Variants in MACROD2 observed in about 807,000 individuals in gnomAD.
The protein encoded by MACROD2 is ADP-ribose glycohydrolase MACROD2.
Under a neutral mutation model 70.4 loss-of-function variants are expected in MACROD2, and 36 were observed. The ratio of observed to expected loss-of-function variants is 0.51; its 90% CI spans 0.39 to 0.68. MACROD2 has a LOEUF of 0.68. MACROD2 is among the 30% of genes least tolerant of loss of function. The probability of loss-of-function intolerance (pLI) is 0.00; values close to 1 mark genes in which losing one functional copy is unlikely to be tolerated. For missense variants in MACROD2, 496 were observed against 538.4 expected (o/e 0.92, Z 0.78); for synonymous variants, 172 against 178.8 (o/e 0.96, Z 0.30).
At chr20:15,416,139 C>T (rs1011945019) in intron 6 of MACROD2, among the ~76,000 whole-genome samples, 1 of 152,166 alleles carries the variant, frequency 6.6e-6, no homozygotes, top group Admixed American at 6.5e-5. Context: ...CCATCTTGTT[C>T]TTTTTGCTCA....
chr20:14,331,609 G>T (rs1486069346), intron 3 of MACROD2, among the ~76,000 whole-genome samples: 3 of 152,078 alleles, frequency 2.0e-5, no homozygotes, highest in African/African-American at 7.2e-5. Context: ...ACTCTCATAT[G>T]CCCCTGCTCC....
intron 4 of MACROD2, among the ~76,000 whole-genome samples, 185 bp from the exon 5 acceptor site, chr20:14,684,658 C>CT (rs1434892635): frequency 1.4e-5 from 2 of 146,996 alleles, no homozygotes; most frequent in Non-Finnish European, 3.0e-5. Flanking sequence ...ACCCCCCCCC[C>CT]CCGGCCCCCG....
intron 4 of MACROD2, 72 bp from the exon 5 acceptor site, chr20:14,684,771 C>G (rs1379402189): frequency 9.7e-6 from 12 of 1,231,658 alleles, no homozygotes; most frequent in Middle Eastern, 1.9e-4. Flanking sequence ...AGTTCTCTTC[C>G]TCTTCCCATC....
Position 14,997,474 on chromosome 20 carries a change from C to T in MACROD2, c.419-232466C>T, listed in dbSNP as rs571469039. ...CTGTGCTGGCTTCAGGTGTGACTCA[C>T]TGCATTCCCAGCTATGGTGGCTGAG... On this transcript the variant is annotated intron_variant, in intron 5 of 17. Coordinates refer to ENST00000684519, the MANE Select transcript of MACROD2 (RefSeq NM_001351661.2). Among the ~76,000 whole-genome samples, 17 of 152,154 alleles carry T rather than the reference C, an allele frequency of 1.1e-4. No individual in the cohort carries two copies. The South Asian group carries it at 2.7e-3, about 24-fold the overall frequency.
intron 4 of MACROD2, among the ~76,000 whole-genome samples, chr20:14,595,639 A>G (rs1982076837): frequency 6.6e-6 from 1 of 152,196 alleles, no homozygotes; most frequent in Admixed American, 6.5e-5. Flanking sequence ...CTTTGCATGT[A>G]TGTCGAGTCG....
intron 11 of MACROD2, among the ~76,000 whole-genome samples, chr20:15,934,094 C>A (rs73900833): frequency 0.011 from 1,615 of 152,174 alleles, 22 homozygotes; most frequent in African/African-American, 0.031. Flanking sequence ...CCAACATAAC[C>A]AGCAAAAAAA....
chr20:14,274,735 T>TA (rs1318455723), intron 3 of MACROD2, among the ~76,000 whole-genome samples: 1 of 152,124 alleles, frequency 6.6e-6, no homozygotes, highest in Non-Finnish European at 1.5e-5. Context: ...CATGATTGTA[T>TA]ATGTAGAAAA....
At chr20:14,241,024 G>A (rs2081924631) in intron 3 of MACROD2, among the ~76,000 whole-genome samples, 1 of 152,064 alleles carries the variant, frequency 6.6e-6, no homozygotes, top group Non-Finnish European at 1.5e-5. Context: ...AGCTATTCAG[G>A]AGAATCACCT....
At chr20:14,853,358 G>A (rs1420977414) in intron 5 of MACROD2, among the ~76,000 whole-genome samples, 1 of 152,052 alleles carries the variant, frequency 6.6e-6, no homozygotes, top group African/African-American at 2.4e-5. Context: ...GTGCGGAAGA[G>A]TTAGGTTGCA....
At chr20:15,568,204 A>G (rs1482718573) in intron 8 of MACROD2, among the ~76,000 whole-genome samples, 5 of 152,198 alleles carry the variant, frequency 3.3e-5, no homozygotes, top group Admixed American at 1.3e-4. Flanking sequence ...CAGAAGTTCT[A>G]TTGAGAGTTT....
chr20:14,263,979 ACACACACACAC>A (rs2082121708), intron 3 of MACROD2, among the ~76,000 whole-genome samples: 1 of 2,752 alleles, frequency 3.6e-4, no homozygotes, highest in Non-Finnish European at 1.5e-3. Flanking sequence ...CTAAACACAC[ACACACACACAC>A]ACACACACAC....
chr20:15,550,265 A>G (rs1355614342), intron 8 of MACROD2, among the ~76,000 whole-genome samples: 1 of 147,890 alleles, frequency 6.8e-6, no homozygotes, highest in African/African-American at 2.5e-5. Context: ...ATTTAAATAA[A>G]TATTTAAAAT....
intron 7 of MACROD2, among the ~76,000 whole-genome samples, chr20:15,452,044 C>G (rs745630471): frequency 6.6e-6 from 1 of 152,150 alleles, no homozygotes; most frequent in Non-Finnish European, 1.5e-5. Flanking sequence ...AACGGAGTGT[C>G]TGTCTGTGCG....
chr20:15,913,160 CTAT>C (rs924515360), intron 10 of MACROD2, among the ~76,000 whole-genome samples: 1 of 151,828 alleles, frequency 6.6e-6, no homozygotes, highest in Non-Finnish European at 1.5e-5. Context: ...GCTATTATCA[CTAT>C]TATTATTATT....
rs1198699357 is a variant in MACROD2 at position 14,226,890 on chromosome 20, G to A, written c.271+141162G>A. 2.6e-5 allele frequency among the ~76,000 whole-genome samples: 4 copies of A among 152,282 alleles called. No homozygotes were observed. The East Asian group carries it at 7.8e-4, about 30-fold the overall frequency. On this transcript the variant is annotated intron_variant, in intron 3 of 17. Transcript: ENST00000684519. ...CGACCACCCAAGGGCTGAGGAGTGC[G>A]GGCGCACAGCGCGGGACTGGCAGGC...
At chr20:14,688,890 C>G (rs938973316) in intron 5 of MACROD2, among the ~76,000 whole-genome samples, 2 of 152,284 alleles carry the variant, frequency 1.3e-5, no homozygotes, top group South Asian at 2.1e-4. Context: ...AAGACTTCTT[C>G]ACCTGAAAAA....
intron 5 of MACROD2, among the ~76,000 whole-genome samples, chr20:15,221,585 A>G (rs1439810015): frequency 6.6e-6 from 1 of 152,236 alleles, no homozygotes; most frequent in Non-Finnish European, 1.5e-5. Context: ...GTAGGAGTCC[A>G]ATTTGAAACA....
Position 15,899,611 on chromosome 20 carries a change from G to A in MACROD2, c.775+13800G>A, listed in dbSNP as rs73597712. ...TCAAACAGTAATTTTCTACATACCT[G>A]AGTCTCCAAAGCCTTCAGTGGCTTT... On this transcript the variant is annotated intron_variant, in intron 10 of 17. Transcript: ENST00000684519. Among the ~76,000 whole-genome samples the A allele has an allele frequency of 3.9e-3, 591 of 152,264 alleles. 2 individuals carry two copies. Among genetic ancestry groups the A allele is most frequent in the South Asian group, 0.023 (113 of 4,820 alleles).
chr20:15,301,821 G>A (rs1252552623), intron 6 of MACROD2, among the ~76,000 whole-genome samples: 4 of 152,020 alleles, frequency 2.6e-5, no homozygotes, highest in Non-Finnish European at 5.9e-5. Flanking sequence ...CAGTTATTTA[G>A]CTTTCCCCTT....
Sources: gnomAD v4.1 joint callset for allele counts (sites outside exome capture counted in the v4.1 genomes callset) on GRCh38, gnomAD v4.1.1 for gene constraint, MANE v1.5 for transcripts, NCBI Gene and HGNC (gene_info 2026-07-23, HGNC 2026-07-21) for gene names.